Variants in RERE observed in about 807,000 individuals in gnomAD.
RERE encodes the protein arginine-glutamic acid dipeptide repeats.
In RERE, 40 loss-of-function variants were observed where a neutral mutation model predicts 146.1. The observed-to-expected ratio is 0.27, with a 90% confidence interval of 0.21 to 0.36. The LOEUF is 0.36. Ranked by LOEUF, RERE falls within the 10% of genes least tolerant of loss-of-function variation. RERE has a pLI of 1.00. For missense variants in RERE, 1,933 were observed against 2,138.7 expected, an observed-to-expected ratio of 0.90 and a Z score of 1.90; for synonymous variants, 1,003 against 866.0, an observed-to-expected ratio of 1.16 and a Z score of -2.78.
chr1:8,791,638 C>G (rs576102095), intron 1 of RERE, among the ~76,000 whole-genome samples: 1 of 152,290 alleles, frequency 6.6e-6, no homozygotes, highest in South Asian at 2.1e-4. Context: ...ACTTACTAAG[C>G]AACTGGTCTA....
chr1:8,454,162 G>A (rs917893889), intron 11 of RERE, among the ~76,000 whole-genome samples: 4 of 152,114 alleles, frequency 2.6e-5, no homozygotes, highest in Non-Finnish European at 5.9e-5. Context: ...AGGAGATTTG[G>A]TTTCATTACT....
chr1:8,620,650 CTAAA>C (rs1400227659), intron 3 of RERE, among the ~76,000 whole-genome samples: 1 of 152,040 alleles, frequency 6.6e-6, no homozygotes, highest in Non-Finnish European at 1.5e-5. Context: ...CTTCAAAAAG[CTAAA>C]TAAAGACTTT....
chr1:8,537,555 T>C (rs1645743676), intron 7 of RERE, among the ~76,000 whole-genome samples: 1 of 152,206 alleles, frequency 6.6e-6, no homozygotes, highest in African/African-American at 2.4e-5. Flanking sequence ...ACTTTCATAT[T>C]TCAGAATTTA....
chr1:8,600,284 C>T (rs1429553682), intron 4 of RERE, among the ~76,000 whole-genome samples: 1 of 152,176 alleles, frequency 6.6e-6, no homozygotes, highest in Non-Finnish European at 1.5e-5. Flanking sequence ...TAATTAGTGG[C>T]CTGAGAACAG....
At chr1:8,683,574 G>A (rs1393955679) in intron 1 of RERE, among the ~76,000 whole-genome samples, 1 of 151,970 alleles carries the variant, frequency 6.6e-6, no homozygotes, top group Non-Finnish European at 1.5e-5. Flanking sequence ...ACCAATAAAG[G>A]TATAAAACAC....
rs144771049 is a variant in RERE at position 8,542,620 on chromosome 1, C to G, written c.726-1302G>C. 2.0e-3 allele frequency among the ~76,000 whole-genome samples: 304 copies of G among 152,240 alleles called. 1 individual carries two copies. The highest frequency in any genetic ancestry group is 7.1e-3 in the African/African-American group (295 of 41,532). ...GGAGGATTATTTGAGGCCAGGAATT[C>G]AAGAAAAACTTGGGCAACATTAGTT... On this transcript the variant is annotated intron_variant, in intron 6 of 22. Transcript: ENST00000400908.
At chr1:8,800,033 C>T (rs939461578) in intron 1 of RERE, among the ~76,000 whole-genome samples, 1 of 152,086 alleles carries the variant, frequency 6.6e-6, no homozygotes, top group Non-Finnish European at 1.5e-5. Context: ...AGACTGGTCT[C>T]GAACTCCTGA....
intron 1 of RERE, among the ~76,000 whole-genome samples, chr1:8,777,386 C>T (rs949891143): frequency 2.0e-5 from 3 of 151,844 alleles, no homozygotes; most frequent in African/African-American, 7.3e-5. Context: ...AAAGAGAATA[C>T]CCAAGCCTAG....
rs1339388275 is a variant in RERE, at chr1:8,356,023, A to G, written c.4486+77T>C. 2 of 1,393,452 alleles carry G rather than the reference A, an allele frequency of 1.4e-6. No individual in the cohort carries two copies. The highest frequency in any genetic ancestry group is 3.0e-5 in the African/African-American group (2 of 66,264). 86.3% of individuals were successfully genotyped at this position (1,393,452 alleles called of 1,614,324 possible). A position where few individuals can be genotyped will look rare whatever the true frequency, so the allele number is the denominator to read the frequency against. On this transcript the variant is annotated intron_variant, in intron 21 of 22. Transcript: ENST00000400908. This position sits in a 1 kb window ranked among gnomAD's most constrained non-coding sequence, Gnocchi z 5.2. ...CAATGCATGAATGAATGAATGAGTAATGAATGAAGACAGCAGACCAGACCC... is the reference window on the plus strand; with the variant it reads ...CAATGCATGAATGAATGAATGAGTAGTGAATGAAGACAGCAGACCAGACCC...
chr1:8,812,566 G>T, intron 1 of RERE, among the ~76,000 whole-genome samples: 1 of 152,170 alleles, frequency 6.6e-6, no homozygotes, highest in East Asian at 1.9e-4. Context: ...AAAATCGCTT[G>T]AACCTGGGAA....
chr1:8,470,554 C>CA (rs1328101660), intron 10 of RERE, among the ~76,000 whole-genome samples: 1 of 151,864 alleles, frequency 6.6e-6, no homozygotes, highest in Non-Finnish European at 1.5e-5. Flanking sequence ...CGCCCAGCCC[C>CA]AAAGAGATAT....
chr1:8,795,995 A>AC (rs1641465370), intron 1 of RERE, among the ~76,000 whole-genome samples: 1 of 149,232 alleles, frequency 6.7e-6, no homozygotes, highest in African/African-American at 2.4e-5. Context: ...AAAAAAAAAA[A>AC]AAACAAAACA....
At chr1:8,532,714 C>A (rs1214722144) in intron 7 of RERE, among the ~76,000 whole-genome samples, 1 of 152,174 alleles carries the variant, frequency 6.6e-6, no homozygotes, top group African/African-American at 2.4e-5. Flanking sequence ...CCTGCCTCAG[C>A]CTCCCGAGTA....
At chr1:8,586,937 A>C (rs1296905977) in intron 4 of RERE, among the ~76,000 whole-genome samples, 1 of 152,222 alleles carries the variant, frequency 6.6e-6, no homozygotes, top group African/African-American at 2.4e-5. Flanking sequence ...CCTTGGATTA[A>C]GAATGCAGCC....
chr1:8,779,596 G>T (rs1641129383), intron 1 of RERE, among the ~76,000 whole-genome samples: 1 of 151,994 alleles, frequency 6.6e-6, no homozygotes, highest in Admixed American at 6.6e-5. Flanking sequence ...CTGGGAGGCG[G>T]AGGTTGCAAT....
At chr1:8,424,242 C>A (rs1643974605) in intron 11 of RERE, 1 of 152,254 alleles carries the variant, frequency 6.6e-6, no homozygotes, top group Non-Finnish European at 1.5e-5. Context: ...CATTAGCCTG[C>A]ACTTCCCCGG....
chr1:8,382,831 C>T (rs1208340990), intron 12 of RERE, among the ~76,000 whole-genome samples: 1 of 152,088 alleles, frequency 6.6e-6, no homozygotes. Context: ...GAAACCTGGG[C>T]TGCCTCGCCA....
At chr1:8,507,375 GTGTCCTAACCATCT>G (rs1362059028) in intron 8 of RERE, among the ~76,000 whole-genome samples, 1 of 152,214 alleles carries the variant, frequency 6.6e-6, no homozygotes, top group Non-Finnish European at 1.5e-5. Flanking sequence ...TGACTGAAAA[GTGTCCTAACCATCT>G]TGACTCTCCT....
At chr1:8,622,433 CT>C (rs1307812650) in intron 3 of RERE, among the ~76,000 whole-genome samples, 9 of 138,344 alleles carry the variant, frequency 6.5e-5, no homozygotes, top group African/African-American at 8.0e-5. Flanking sequence ...CAAAACAAAA[CT>C]CTTCAGGAAT....
Sources: allele counts gnomAD v4.1 joint callset (sites outside exome capture counted in the v4.1 genomes callset), GRCh38; gene constraint gnomAD v4.1.1; non-coding constraint Gnocchi (gnomAD v3.1); transcripts MANE v1.5; gene names NCBI Gene and HGNC (gene_info 2026-07-23, HGNC 2026-07-21).